SMIM35: variants seen among roughly 807,000 people sequenced by gnomAD.
SMIM35 encodes small integral membrane protein 35.
chr11:118,072,731 C>T (rs1431706523), intron 1 of SMIM35, among the ~76,000 whole-genome samples: 1 of 152,208 alleles, frequency 6.6e-6, no homozygotes, highest in Non-Finnish European at 1.5e-5. Context: ...CTCCTGTCTC[C>T]TTCAGTAGAC....
intron 1 of SMIM35, among the ~76,000 whole-genome samples, chr11:118,023,801 G>A (rs889425692): frequency 2.0e-5 from 3 of 152,152 alleles, no homozygotes; most frequent in Non-Finnish European, 4.4e-5. Flanking sequence ...GGGAGGCCAA[G>A]GTGGATGGAT....
rs184075194 is a variant in SMIM35 at position 118,036,544 on chromosome 11, G to A, written c.8-20735C>T. ...CATGCAGGCTGATTGGTAACGTGCTGCCAGCACAGGGCTGGGTGATGCATA... is the reference window on the plus strand; with the variant it reads ...CATGCAGGCTGATTGGTAACGTGCTACCAGCACAGGGCTGGGTGATGCATA... On this transcript the variant is annotated intron_variant, in intron 1 of 4. Transcript: ENST00000689828. Among the ~76,000 whole-genome samples the A allele has an allele frequency of 3.4e-4, 52 of 152,342 alleles. 1 individual carries two copies. In the East Asian group the frequency reaches 8.7e-3, roughly 25 times the overall value.
At chr11:118,084,064 G>A (rs530990285) in intron 1 of SMIM35, among the ~76,000 whole-genome samples, 16 of 152,170 alleles carry the variant, frequency 1.1e-4, no homozygotes, top group Admixed American at 3.9e-4. Flanking sequence ...AACAATTATC[G>A]TACTCTTACC....
chr11:118,037,105 T>TC (rs150598905), intron 1 of SMIM35, among the ~76,000 whole-genome samples: 1 of 151,964 alleles, frequency 6.6e-6, no homozygotes, highest in Non-Finnish European at 1.5e-5. Context: ...TGTCTCTCAG[T>TC]CCCCCCTCTC....
At chr11:118,050,423 G>A (rs567218968) in intron 1 of SMIM35, among the ~76,000 whole-genome samples, 2 of 152,328 alleles carry the variant, frequency 1.3e-5, no homozygotes, top group Non-Finnish European at 2.9e-5. Context: ...GTCATGCACA[G>A]CCCAGGTGAG....
At chr11:118,014,876 G>A (rs1051365225) in intron 2 of SMIM35, 135 bp from the exon 3 acceptor site, 2 of 396,554 alleles carry the variant, frequency 5.0e-6, no homozygotes, top group African/African-American at 4.1e-5. Context: ...GGATGGTGTG[G>A]GAGCATTCCA....
At chr11:118,049,275 C>G (rs1323896118) in intron 1 of SMIM35, among the ~76,000 whole-genome samples, 1 of 151,840 alleles carries the variant, frequency 6.6e-6, no homozygotes. Flanking sequence ...GGCTGGGGAC[C>G]CCAGAACCGT....
intron 4 of SMIM35, among the ~76,000 whole-genome samples, chr11:118,009,827 GA>G (rs2135012852): frequency 6.6e-6 from 1 of 152,188 alleles, no homozygotes; most frequent in African/African-American, 2.4e-5. Context: ...TCCAGATGCT[GA>G]AATAGATGTC....
chr11:118,013,502 C>A (rs945060172), intron 4 of SMIM35, among the ~76,000 whole-genome samples: 25 of 152,184 alleles, frequency 1.6e-4, no homozygotes, highest in African/African-American at 6.0e-4. Flanking sequence ...GCAAACAGAA[C>A]CTTCCCAGGA....
At chr11:118,048,711 T>C (rs1944150826) in intron 1 of SMIM35, among the ~76,000 whole-genome samples, 1 of 149,630 alleles carries the variant, frequency 6.7e-6, no homozygotes, top group South Asian at 2.1e-4. Flanking sequence ...TCATAAAGTA[T>C]GGGGGAAAAA....
In SMIM35 at chr11:118,014,790, G is replaced by C. The variant is rs1423710074; in HGVS notation, c.125-49C>G. Reference sequence around the variant, plus strand: ...AGGGTTAGCACCTCCAGGGGAAGCAGTCCGCCACCCTTCTAAGAACGTCTG... The same window carrying C: ...AGGGTTAGCACCTCCAGGGGAAGCACTCCGCCACCCTTCTAAGAACGTCTG... On this transcript the variant is annotated intron_variant, in intron 2 of 4. Transcript: ENST00000689828. 5 of 398,748 alleles carry C rather than the reference G, an allele frequency of 1.3e-5. No individual in the cohort carries two copies. The Admixed American group carries it at 1.8e-4, about 14-fold the overall frequency. The allele number at this position is 398,748 out of a possible 1,614,324, so 24.7% of individuals were successfully genotyped here.
intron 1 of SMIM35, among the ~76,000 whole-genome samples, chr11:118,063,163 C>T (rs1944418136): frequency 6.6e-6 from 1 of 152,228 alleles, no homozygotes; most frequent in African/African-American, 2.4e-5. Context: ...GCCCTCGGGG[C>T]TGCTCTGTCT....
intron 1 of SMIM35, among the ~76,000 whole-genome samples, chr11:118,052,175 G>A (rs1021803956): frequency 1.3e-5 from 2 of 152,096 alleles, no homozygotes; most frequent in Non-Finnish European, 2.9e-5. Context: ...CCATAGAAAA[G>A]GTCATCCCCA....
intron 1 of SMIM35, among the ~76,000 whole-genome samples, chr11:118,080,808 C>T (rs1945068727): frequency 6.6e-6 from 1 of 152,166 alleles, no homozygotes; most frequent in Non-Finnish European, 1.5e-5. Context: ...GCTTTCAGGC[C>T]TGAAAATCTC....
intron 4 of SMIM35, among the ~76,000 whole-genome samples, chr11:118,009,422 C>T (rs896406051): frequency 7.2e-5 from 11 of 152,158 alleles, no homozygotes; most frequent in African/African-American, 2.4e-4. Flanking sequence ...AGGATGAAGA[C>T]GCGCATCATA....
At chr11:118,055,952 C>G (rs1040774326) in intron 1 of SMIM35, among the ~76,000 whole-genome samples, 3 of 151,852 alleles carry the variant, frequency 2.0e-5, no homozygotes, top group Non-Finnish European at 1.5e-5. Context: ...CATCCCTGGA[C>G]TATGTGAGGT....
At chr11:118,007,156 G>A (rs2058126205) in intron 4 of SMIM35, among the ~76,000 whole-genome samples, 1 of 152,042 alleles carries the variant, frequency 6.6e-6, no homozygotes. Flanking sequence ...CATCTGGAGG[G>A]AGAAGTAGGT....
chr11:118,065,777 G>C (rs144531444), intron 1 of SMIM35, among the ~76,000 whole-genome samples: 1 of 152,292 alleles, frequency 6.6e-6, no homozygotes. Context: ...ACCCTGTGGA[G>C]TGTGCTTTTG....
intron 1 of SMIM35, among the ~76,000 whole-genome samples, chr11:118,045,012 C>T (rs1470883391): frequency 1.3e-5 from 2 of 152,118 alleles, no homozygotes; most frequent in East Asian, 3.8e-4. Flanking sequence ...AGTTCTAAAA[C>T]TCAAAACCTA....
Sources: allele counts gnomAD v4.1 joint callset (sites outside exome capture counted in the v4.1 genomes callset), GRCh38; gene constraint gnomAD v4.1.1; transcripts MANE v1.5; gene names NCBI Gene and HGNC (gene_info 2026-07-23, HGNC 2026-07-21).